GPHN: variants seen among roughly 807,000 people sequenced by gnomAD.
GPHN encodes gephyrin.
A neutral mutation model predicts 95.5 loss-of-function variants in GPHN; 17 were observed. That is an observed-to-expected ratio of 0.18 (90% CI 0.12 to 0.27). GPHN has a LOEUF of 0.27. GPHN is among the 10% of genes least tolerant of loss of function. The pLI, the probability that GPHN is intolerant of heterozygous loss-of-function variation, is 1.00. For missense variants in GPHN, 660 were observed against 978.1 expected (o/e 0.67, Z 4.34); for synonymous variants, 320 against 322.5 (o/e 0.99, Z 0.08).
At chr14:67,650,450 T>C in the GPHN span, 1 of 453,706 alleles carries the variant, frequency 2.2e-6, no homozygotes, top group South Asian at 2.8e-5. Flanking sequence ...CGCCTGACAA[T>C]TATGCCTGTT....
At chr14:66,884,967 C>T (rs1367829080) in intron 5 of GPHN, among the ~76,000 whole-genome samples, 1 of 151,728 alleles carries the variant, frequency 6.6e-6, no homozygotes, top group Non-Finnish European at 1.5e-5. Context: ...AACACATGCA[C>T]TGCTTTTAGG....
the GPHN span, among the ~76,000 whole-genome samples, chr14:67,702,931 A>G: frequency 3.3e-5 from 5 of 152,136 alleles, no homozygotes; most frequent in Non-Finnish European, 2.9e-5. Flanking sequence ...CTCCCACCTC[A>G]GCCTCCTGAG....
At chr14:66,933,706 G>A (rs898816932) in intron 8 of GPHN, among the ~76,000 whole-genome samples, 2 of 152,056 alleles carry the variant, frequency 1.3e-5, no homozygotes, top group African/African-American at 4.8e-5. Context: ...TTTAGTACAG[G>A]AGATGACATA....
chr14:67,025,678 A>T (rs2073886373), intron 10 of GPHN, among the ~76,000 whole-genome samples: 1 of 152,246 alleles, frequency 6.6e-6, no homozygotes, highest in Admixed American at 6.5e-5. Flanking sequence ...GGCAAAATAA[A>T]ATGTAATAAA....
chr14:67,374,159 C>T, the GPHN span, among the ~76,000 whole-genome samples: 1 of 152,094 alleles, frequency 6.6e-6, no homozygotes, highest in Non-Finnish European at 1.5e-5. Flanking sequence ...CTTTTGAGCA[C>T]CAACATGACA....
At chr14:67,174,698 C>T (rs182666004) in intron 21 of GPHN, among the ~76,000 whole-genome samples, 2 of 152,316 alleles carry the variant, frequency 1.3e-5, no homozygotes, top group East Asian at 3.9e-4. Context: ...CTCCCACCAA[C>T]AGTGTAAAAG....
rs1008849384 is a variant in GPHN, at chr14:67,143,340, C to A, written c.1749-22C>A. 6.6e-6 allele frequency: 10 copies of A among 1,508,062 alleles called. 1 individual carries two copies. The Middle Eastern group carries it at 5.1e-4, about 77-fold the overall frequency. The allele number at this position is 1,508,062 out of a possible 1,614,324, so 93.4% of individuals were successfully genotyped here. A position where few individuals can be genotyped will look rare whatever the true frequency, so the allele number is the denominator to read the frequency against. On this transcript the variant is annotated intron_variant, in intron 17 of 22. Transcript: ENST00000478722. The stretch of plus-strand genomic sequence containing the variant: ...AAATCTTTTCCTTGTGTGTTAATTT[C>A]TTTGTCTTTATTTTTTTCCAGCCCA...
the GPHN span, among the ~76,000 whole-genome samples, chr14:67,291,476 G>C: frequency 6.6e-6 from 1 of 151,940 alleles, no homozygotes; most frequent in African/African-American, 2.4e-5. Flanking sequence ...ATAGAGACGG[G>C]GTTTTACCAT....
intron 5 of GPHN, among the ~76,000 whole-genome samples, chr14:66,906,216 A>T (rs1024135167): frequency 6.6e-6 from 1 of 152,128 alleles, no homozygotes; most frequent in East Asian, 1.9e-4. Flanking sequence ...AGCCATCATG[A>T]TTTAGCATCT....
the GPHN span, chr14:67,585,708 T>C: frequency 2.3e-6 from 3 of 1,312,186 alleles, no homozygotes; most frequent in African/African-American, 1.5e-5. Context: ...AACATGGTCT[T>C]TTCTTCTCCT....
the GPHN span, among the ~76,000 whole-genome samples, chr14:67,304,950 T>A: frequency 1.3e-5 from 2 of 152,212 alleles, no homozygotes; most frequent in Non-Finnish European, 2.9e-5. Context: ...TGCTTTATAG[T>A]TTGGCTATCA....
intron 3 of GPHN, among the ~76,000 whole-genome samples, chr14:66,790,498 A>G (rs1226653772): frequency 1.3e-5 from 2 of 152,228 alleles, no homozygotes; most frequent in Admixed American, 6.5e-5. Context: ...TGCTCAAGAT[A>G]ATTTTTAGAG....
the GPHN span, chr14:67,660,130 C>A: frequency 2.0e-6 from 1 of 510,604 alleles, no homozygotes; most frequent in South Asian, 3.0e-5. Flanking sequence ...AGCAGGCATT[C>A]GAGTATATGA....
chr14:67,207,398 G>A, the GPHN span, among the ~76,000 whole-genome samples: 1 of 152,054 alleles, frequency 6.6e-6, no homozygotes, highest in African/African-American at 2.4e-5. Context: ...CATCAACTTA[G>A]AGTGAGAACT....
At chr14:67,228,050 A>C in the GPHN span, among the ~76,000 whole-genome samples, 1 of 151,824 alleles carries the variant, frequency 6.6e-6, no homozygotes, top group African/African-American at 2.4e-5. Flanking sequence ...GGCACCTGTA[A>C]TCCTAGCTAC....
the GPHN span, among the ~76,000 whole-genome samples, chr14:67,532,484 C>G: frequency 5.3e-3 from 810 of 152,194 alleles, 1 homozygote; most frequent in African/African-American, 0.018. Flanking sequence ...TTGCTTTGGG[C>G]GATCTGAGAT....
intron 2 of GPHN, among the ~76,000 whole-genome samples, chr14:66,738,627 G>C (rs977670050): frequency 6.6e-6 from 1 of 152,028 alleles, no homozygotes; most frequent in Non-Finnish European, 1.5e-5. Flanking sequence ...TAAACCCTCT[G>C]ATGGAAAGGG....
At chr14:67,587,359 G>A in the GPHN span, 1 of 1,126,068 alleles carries the variant, frequency 8.9e-7, no homozygotes, top group Non-Finnish European at 1.3e-6. Flanking sequence ...TGTGAAATGT[G>A]TATTTTAGTC....
intron 3 of GPHN, among the ~76,000 whole-genome samples, chr14:66,786,048 A>C (rs1328478546): frequency 6.6e-6 from 1 of 152,082 alleles, no homozygotes; most frequent in Non-Finnish European, 1.5e-5. Flanking sequence ...CAATGAATTA[A>C]GTATTGAAAT....
Sources: allele counts gnomAD v4.1 joint callset (sites outside exome capture counted in the v4.1 genomes callset), GRCh38; gene constraint gnomAD v4.1.1; transcripts MANE v1.5; gene names NCBI Gene and HGNC (gene_info 2026-07-23, HGNC 2026-07-21).